DOCK1: variants seen among roughly 807,000 people sequenced by gnomAD.
The protein encoded by DOCK1 is dedicator of cytokinesis protein 1.
Under a neutral mutation model 262.7 loss-of-function variants are expected in DOCK1, and 138 were observed. The ratio of observed to expected loss-of-function variants is 0.53; its 90% CI spans 0.46 to 0.61. DOCK1 has a LOEUF of 0.61. Ranked by LOEUF, DOCK1 falls within the 20% of genes least tolerant of loss-of-function variation. The probability of loss-of-function intolerance (pLI) is 0.00; values close to 1 mark genes in which losing one functional copy is unlikely to be tolerated. For missense variants in DOCK1, 1,908 were observed against 2,370.7 expected, an observed-to-expected ratio of 0.80 and a Z score of 4.05; for synonymous variants, 866 against 867.4, an observed-to-expected ratio of 1.00 and a Z score of 0.03.
intron 27 of DOCK1, among the ~76,000 whole-genome samples, chr10:127,198,253 C>A (rs932315268): frequency 6.6e-6 from 1 of 152,238 alleles, no homozygotes; most frequent in Non-Finnish European, 1.5e-5. Context: ...CCAGCATGTT[C>A]CCTTGGGGAT....
intron 48 of DOCK1, 56 bp from the exon 49 acceptor site, chr10:127,438,971 C>G (rs2069883194): frequency 6.7e-7 from 1 of 1,481,898 alleles, no homozygotes; most frequent in Admixed American, 2.3e-5. Context: ...TTACACGTGT[C>G]TGTGGGCTGG....
intron 23 of DOCK1, among the ~76,000 whole-genome samples, chr10:127,102,045 T>C (rs1006459349): frequency 1.3e-5 from 2 of 152,148 alleles, no homozygotes; most frequent in Non-Finnish European, 2.9e-5. Flanking sequence ...AAGCAGACGG[T>C]TGGGATCTGG....
At chr10:127,167,808 C>T (rs1262396054) in intron 27 of DOCK1, among the ~76,000 whole-genome samples, 1 of 152,012 alleles carries the variant, frequency 6.6e-6, no homozygotes, top group Admixed American at 6.6e-5. Flanking sequence ...TAGTGATCCT[C>T]ACCACCACCC....
intron 4 of DOCK1, 37 bp from the exon 5 acceptor site, chr10:126,987,484 C>A: frequency 1.3e-6 from 2 of 1,526,288 alleles, no homozygotes; most frequent in Non-Finnish European, 1.8e-6. Flanking sequence ...GGCAGTGAAA[C>A]CGTGGACTCA....
At position 126,913,482 on chromosome 10, in the gene DOCK1, C is replaced by G. The variant is rs577854708; in HGVS notation, c.46+7919C>G. ...ACGAGGCTGGCTTCTGTCCTCCACT[C>G]GCACCTTGCGTGGCCCTCCGTGGCC... On this transcript the variant is annotated intron_variant, in intron 1 of 51. Coordinates refer to ENST00000623213, the MANE Select transcript of DOCK1 (RefSeq NM_001290223.2). Among the ~76,000 whole-genome samples the G allele has an allele frequency of 4.6e-5, 7 of 152,330 alleles. No homozygotes were observed. The East Asian group carries it at 1.4e-3, about 29-fold the overall frequency.
intron 4 of DOCK1, among the ~76,000 whole-genome samples, chr10:126,984,112 A>G (rs1198897355): frequency 6.6e-6 from 1 of 151,110 alleles, no homozygotes; most frequent in Non-Finnish European, 1.5e-5. Context: ...GCCTTCTCCT[A>G]TTTCTTTGTT....
chr10:127,356,662 G>A (rs144237929), intron 32 of DOCK1, among the ~76,000 whole-genome samples: 1 of 152,076 alleles, frequency 6.6e-6, no homozygotes, highest in South Asian at 2.1e-4. Flanking sequence ...ATGGCATGGA[G>A]GGGGGCTGTT....
chr10:127,359,691 A>G (rs984395837), intron 32 of DOCK1, among the ~76,000 whole-genome samples: 8 of 152,252 alleles, frequency 5.3e-5, no homozygotes, highest in African/African-American at 1.9e-4. Context: ...TGAAAATAAG[A>G]TGTTAATTAC....
intron 1 of DOCK1, among the ~76,000 whole-genome samples, chr10:126,928,387 T>C (rs901302132): frequency 0.016 from 2,461 of 149,316 alleles, 62 homozygotes; most frequent in African/African-American, 0.058. Context: ...GTAAACTTGC[T>C]CAGTATTCTT....
chr10:127,445,730 G>C (rs542835957), intron 50 of DOCK1, among the ~76,000 whole-genome samples: 1 of 152,174 alleles, frequency 6.6e-6, no homozygotes, highest in Admixed American at 6.5e-5. Flanking sequence ...TTTTTCAAGA[G>C]CCAGTAAGCA....
intron 29 of DOCK1, among the ~76,000 whole-genome samples, chr10:127,325,406 T>C (rs1167887841): frequency 6.6e-6 from 1 of 152,182 alleles, no homozygotes; most frequent in African/African-American, 2.4e-5. Flanking sequence ...CTCTATGCAA[T>C]GTGAGCTTAT....
At chr10:127,195,726 C>G (rs1232675878) in intron 27 of DOCK1, among the ~76,000 whole-genome samples, 2 of 152,196 alleles carry the variant, frequency 1.3e-5, no homozygotes, top group Admixed American at 6.5e-5. Flanking sequence ...TCCTCCCTGA[C>G]GTCGCCAAAG....
At chr10:126,908,597 A>G (rs951350811) in intron 1 of DOCK1, among the ~76,000 whole-genome samples, 2 of 152,232 alleles carry the variant, frequency 1.3e-5, no homozygotes, top group Admixed American at 6.5e-5. Flanking sequence ...TAAAATTGGG[A>G]AAGGAGTAAA....
chr10:127,388,651 G>A (rs1338310179), intron 38 of DOCK1, among the ~76,000 whole-genome samples: 9 of 152,232 alleles, frequency 5.9e-5, no homozygotes, highest in Admixed American at 1.3e-4. Flanking sequence ...CTTTTGGCTC[G>A]GAACCCAGAT....
chr10:126,933,973 C>T (rs910328523), intron 1 of DOCK1, among the ~76,000 whole-genome samples: 24 of 152,070 alleles, frequency 1.6e-4, no homozygotes, highest in African/African-American at 5.8e-4. Flanking sequence ...CACCACCATG[C>T]CCAGCTAATT....
chr10:126,921,393 G>C (rs955611669), intron 1 of DOCK1, among the ~76,000 whole-genome samples: 1 of 152,172 alleles, frequency 6.6e-6, no homozygotes, highest in Non-Finnish European at 1.5e-5. Context: ...TCATGCTACA[G>C]CATGGGTGAA....
At chr10:127,265,608 G>A (rs1467727196) in intron 29 of DOCK1, among the ~76,000 whole-genome samples, 1 of 152,148 alleles carries the variant, frequency 6.6e-6, no homozygotes, top group Non-Finnish European at 1.5e-5. Flanking sequence ...TCACCAGCCT[G>A]CCATATATGA....
At chr10:127,205,074 T>G (rs554480232) in intron 27 of DOCK1, among the ~76,000 whole-genome samples, 1 of 151,926 alleles carries the variant, frequency 6.6e-6, no homozygotes, top group African/African-American at 2.4e-5. Flanking sequence ...TGAACCCAAA[T>G]ATGACAATGA....
intron 27 of DOCK1, chr10:127,135,740 T>C (rs910689891): frequency 1.3e-5 from 2 of 152,648 alleles, no homozygotes; most frequent in Admixed American, 6.5e-5. Flanking sequence ...ATTTTATTTT[T>C]TTTTGGTCTA....
Sources: gnomAD v4.1 joint callset for allele counts (sites outside exome capture counted in the v4.1 genomes callset) on GRCh38, gnomAD v4.1.1 for gene constraint, MANE v1.5 for transcripts, NCBI Gene and HGNC (gene_info 2026-07-23, HGNC 2026-07-21) for gene names.